TOX: variants seen among roughly 807,000 people sequenced by gnomAD.
TOX encodes the protein thymocyte selection associated high mobility group box.
Under a neutral mutation model 53.7 loss-of-function variants are expected in TOX, and 11 were observed. That is an observed-to-expected ratio of 0.20 (90% CI 0.13 to 0.34). The LOEUF is 0.34. TOX is among the 10% of genes least tolerant of loss of function. TOX has a pLI of 1.00. For missense variants in TOX, 570 were observed against 664.6 expected (o/e 0.86, Z 1.56); for synonymous variants, 225 against 245.3 (o/e 0.92, Z 0.77).
intron 1 of TOX, among the ~76,000 whole-genome samples, chr8:58,969,530 G>C (rs561069170): frequency 6.6e-6 from 1 of 152,162 alleles, no homozygotes; most frequent in Non-Finnish European, 1.5e-5. Flanking sequence ...ATGATCTCAT[G>C]TAACTTTCCC....
At chr8:59,033,925 C>T (rs987083294) in intron 1 of TOX, among the ~76,000 whole-genome samples, 2 of 152,214 alleles carry the variant, frequency 1.3e-5, no homozygotes, top group African/African-American at 4.8e-5. Flanking sequence ...TTCTTAGCTG[C>T]TCCTGCCCTT....
intron 1 of TOX, among the ~76,000 whole-genome samples, chr8:59,093,143 C>T (rs1804655306): frequency 6.6e-6 from 1 of 152,214 alleles, no homozygotes; most frequent in Non-Finnish European, 1.5e-5. Flanking sequence ...ACTTCTGCAG[C>T]TCACGCCTTT....
At position 59,085,471 on chromosome 8, in the gene TOX, C is replaced by T. The variant is rs148532825; in HGVS notation, c.102+33415G>A. On this transcript the variant is annotated intron_variant, in intron 1 of 8. Transcript: ENST00000361421. The stretch of plus-strand genomic sequence containing the variant: ...TGGCACGAGCACAGCTCACTACAGA[C>T]CCAACCTCCCAGGCTCAAGTGATCC... Among the ~76,000 whole-genome samples, 231 of 152,268 alleles carry T rather than the reference C, an allele frequency of 1.5e-3. 3 individuals carry two copies. The highest frequency in any genetic ancestry group is 5.3e-3 in the African/African-American group (221 of 41,532).
chr8:59,013,080 C>G (rs1473798809), intron 1 of TOX, among the ~76,000 whole-genome samples: 4 of 152,032 alleles, frequency 2.6e-5, no homozygotes, highest in Non-Finnish European at 4.4e-5. Flanking sequence ...TCATTTTTAC[C>G]TATTCCTTCA....
intron 3 of TOX, among the ~76,000 whole-genome samples, chr8:58,938,431 A>C (rs1341685776): frequency 6.6e-6 from 1 of 152,222 alleles, no homozygotes; most frequent in African/African-American, 2.4e-5. Context: ...AAAAAGTGCT[A>C]ATTAAAAGCC....
intron 1 of TOX, among the ~76,000 whole-genome samples, chr8:59,101,364 A>T (rs1804805030): frequency 6.6e-6 from 1 of 152,190 alleles, no homozygotes; most frequent in African/African-American, 2.4e-5. Flanking sequence ...CAATATCACA[A>T]ATGTCATGCT....
At chr8:58,838,029 G>C in intron 5 of TOX, 52 bp downstream of exon 5, 1 of 1,566,612 alleles carries the variant, frequency 6.4e-7, no homozygotes, top group Non-Finnish European at 8.7e-7. Flanking sequence ...CATTTCTTCA[G>C]ACTGCACAAT....
At chr8:59,038,795 T>A (rs998841312) in intron 1 of TOX, among the ~76,000 whole-genome samples, 1 of 152,230 alleles carries the variant, frequency 6.6e-6, no homozygotes, top group African/African-American at 2.4e-5. Flanking sequence ...TTTTAAAAAA[T>A]AATGTGTACT....
intron 1 of TOX, among the ~76,000 whole-genome samples, chr8:59,086,456 T>C (rs1301201584): frequency 6.6e-6 from 1 of 152,198 alleles, no homozygotes; most frequent in Non-Finnish European, 1.5e-5. Flanking sequence ...TCTGTCATTG[T>C]TTTTGCTAAA....
At chr8:59,092,369 T>C (rs1199263259) in intron 1 of TOX, among the ~76,000 whole-genome samples, 1 of 132,250 alleles carries the variant, frequency 7.6e-6, no homozygotes, top group African/African-American at 3.2e-5. Context: ...ATATATATAA[T>C]AAAAAATAAA....
intron 1 of TOX, among the ~76,000 whole-genome samples, chr8:59,066,863 A>T (rs183140421): frequency 6.6e-6 from 1 of 152,356 alleles, no homozygotes; most frequent in African/African-American, 2.4e-5. Flanking sequence ...TTATGACCAA[A>T]AGCTCATTAT....
chr8:58,953,716 T>C (rs1422977918), intron 2 of TOX, among the ~76,000 whole-genome samples: 1 of 152,224 alleles, frequency 6.6e-6, no homozygotes, highest in Non-Finnish European at 1.5e-5. Context: ...TATCATTCTA[T>C]TGGGTCAATG....
chr8:59,057,116 G>C (rs1438748593), intron 1 of TOX, among the ~76,000 whole-genome samples: 2 of 152,150 alleles, frequency 1.3e-5, no homozygotes, highest in Non-Finnish European at 2.9e-5. Context: ...GAGATGAGCT[G>C]CTCCACCTTC....
rs1159995823 is a variant in TOX at position 59,107,045 on chromosome 8, C to T, written c.102+11841G>A. ...AACAATGATCTTATAAAGCAGTTTGCTGGGGGGGGGGGGAACGTGACATTT... is the reference window on the plus strand; with the variant it reads ...AACAATGATCTTATAAAGCAGTTTGTTGGGGGGGGGGGGAACGTGACATTT... On this transcript the variant is annotated intron_variant, in intron 1 of 8. Transcript: ENST00000361421. Among the ~76,000 whole-genome samples, 4 of 48,562 alleles carry T rather than the reference C, an allele frequency of 8.2e-5. No homozygotes were observed. The East Asian group carries it at 3.5e-3, about 42-fold the overall frequency. The allele number at this position is 48,562 out of a possible 152,430, so 31.9% of individuals were successfully genotyped here.
chr8:58,881,723 CAAA>C (rs11316154), intron 3 of TOX, among the ~76,000 whole-genome samples: 73 of 82,480 alleles, frequency 8.9e-4, no homozygotes, highest in African/African-American at 2.5e-3. Flanking sequence ...GATTCCATCT[CAAA>C]AAAAAAAAAA....
intron 3 of TOX, among the ~76,000 whole-genome samples, chr8:58,903,094 C>T (rs564412800): frequency 8.2e-4 from 125 of 152,292 alleles, no homozygotes; most frequent in African/African-American, 2.9e-3. Flanking sequence ...TGAAAAAGCA[C>T]TAACTGAGCA....
intron 2 of TOX, among the ~76,000 whole-genome samples, chr8:58,959,151 T>C (rs1232832857): frequency 1.3e-5 from 2 of 152,234 alleles, no homozygotes; most frequent in African/African-American, 4.8e-5. Flanking sequence ...GAACTGTTCC[T>C]TGCTTTCACT....
chr8:58,926,578 G>T (rs1812163665), intron 3 of TOX, among the ~76,000 whole-genome samples: 1 of 152,200 alleles, frequency 6.6e-6, no homozygotes, highest in South Asian at 2.1e-4. Flanking sequence ...ATTTAATAAA[G>T]AGAGGTAAAC....
At chr8:59,041,879 A>G (rs1803593206) in intron 1 of TOX, among the ~76,000 whole-genome samples, 1 of 152,222 alleles carries the variant, frequency 6.6e-6, no homozygotes, top group Non-Finnish European at 1.5e-5. Flanking sequence ...CTACATTTAA[A>G]ATTCTAAAAT....
Sources: allele counts gnomAD v4.1 joint callset (sites outside exome capture counted in the v4.1 genomes callset), GRCh38; gene constraint gnomAD v4.1.1; transcripts MANE v1.5; gene names NCBI Gene and HGNC (gene_info 2026-07-23, HGNC 2026-07-21).